Variants in DNAH8 observed in about 807,000 individuals in gnomAD.
The protein encoded by DNAH8 is dynein axonemal heavy chain 8.
In DNAH8, 382 loss-of-function variants were observed where a neutral mutation model predicts 562.1. That is an observed-to-expected ratio of 0.68 (90% CI 0.63 to 0.74). The LOEUF is 0.74. Among genes scored for constraint, DNAH8 ranks in the 30% least tolerant of loss-of-function variants. DNAH8 has a pLI of 0.00. For synonymous variants in DNAH8, 1,881 were observed against 1,919.4 expected, an observed-to-expected ratio of 0.98 and a Z score of 0.52; for missense variants, 5,203 against 5,620.4, an observed-to-expected ratio of 0.93 and a Z score of 2.37.
In DNAH8 at chr6:38,805,370, T is replaced by C. The variant is rs12665115; in HGVS notation, c.3035-111T>C. The stretch of plus-strand genomic sequence containing the variant: ...AAAAGCATTTTTCAAAAAACAGTTT[T>C]AAAAGTAAGAGCTTTTTAAAAAGGA... On this transcript the variant is annotated intron_variant, in intron 22 of 92. Transcript: ENST00000327475. 0.14 allele frequency: 91,965 copies of C among 675,476 alleles called. 7,806 individuals carry two copies. Among genetic ancestry groups the C allele is most frequent in the East Asian group, 0.35 (12,265 of 34,712 alleles). The allele number at this position is 675,476 out of a possible 1,614,324, so 41.8% of individuals were successfully genotyped here. A position where few individuals can be genotyped will look rare whatever the true frequency, so the allele number is the denominator to read the frequency against.
chr6:38,738,050 C>T, intron 7 of DNAH8, 78 bp downstream of exon 7: 1 of 1,447,506 alleles, frequency 6.9e-7, no homozygotes. Context: ...TCTCTAACAG[C>T]AAAGGGAAGA....
At chr6:38,828,821 CATT>C (rs915349135) in intron 30 of DNAH8, among the ~76,000 whole-genome samples, 19 of 152,196 alleles carry the variant, frequency 1.2e-4, no homozygotes, top group African/African-American at 4.8e-5. Context: ...TAACCACCAT[CATT>C]GTCTAATTTT....
At chr6:38,798,776 G>A (rs1235889056) in intron 21 of DNAH8, among the ~76,000 whole-genome samples, 2 of 152,144 alleles carry the variant, frequency 1.3e-5, no homozygotes, top group East Asian at 3.9e-4. Flanking sequence ...TGAGGCACAG[G>A]GATTGTGTAT....
At chr6:38,828,605 A>G (rs1461496431) in intron 30 of DNAH8, among the ~76,000 whole-genome samples, 1 of 152,220 alleles carries the variant, frequency 6.6e-6, no homozygotes, top group African/African-American at 2.4e-5. Context: ...ACAGTAGGCT[A>G]TCCCTCTAGG....
Position 38,894,843 on chromosome 6 carries a change from G to A in DNAH8, c.8726G>A (p.Cys2909Tyr). Residue 2909 changes from cysteine to tyrosine, a missense_variant, in exon 59 of 93, where the codon TGC becomes TAC. Cys to Tyr is a radical substitution (Grantham distance 194). Transcript: ENST00000327475. ...PTLLSLFKHE[C>Y]SRVIADRFIT... ...CTCCTGTCCCTTTTCAAACACGAGT[G>A]CAGCAGAGTAATTGCAGACAGGTGC... is the stretch of plus-strand genomic sequence containing the variant. The A allele has an allele frequency of 6.2e-7, 1 of 1,613,798 alleles. No homozygotes were observed. The highest frequency in any genetic ancestry group is 8.5e-7 in the Non-Finnish European group (1 of 1,179,894).
intron 73 of DNAH8, chr6:38,924,953 A>G (rs946732304): frequency 1.3e-5 from 2 of 152,218 alleles, no homozygotes; most frequent in Non-Finnish European, 2.9e-5. Context: ...AATTTCCGGT[A>G]TATCTTGCAG....
chr6:38,733,204 C>T (rs1027968397), intron 4 of DNAH8, among the ~76,000 whole-genome samples: 4 of 145,702 alleles, frequency 2.7e-5, no homozygotes, highest in African/African-American at 9.9e-5. Context: ...TTTTCTATTT[C>T]TTTTATTACA....
rs3734611 is a variant in DNAH8, at chr6:38,929,254, T to C, written c.11119-257T>C. 0.035 allele frequency: 9,872 copies of C among 282,576 alleles called. 318 individuals carry two copies. The highest frequency in any genetic ancestry group is 0.14 in the East Asian group (2,233 of 16,384). The allele number at this position is 282,576 out of a possible 1,614,324, so 17.5% of individuals were successfully genotyped here. ...ATCTGTCAGGAGCAGAACTCTGACA[T>C]TGCATCTGAGCAATGCCCCTTAACC... On this transcript the variant is annotated intron_variant, in intron 74 of 92. Transcript: ENST00000327475.
rs772095746 is a variant in DNAH8, at chr6:38,737,872, A to G, written c.1016A>G (p.Lys339Arg). The change falls in exon 7 of 93, where the codon AAA (lysine) becomes AGA (arginine). Residue 339 changes from lysine to arginine, a missense_variant. Physicochemically the swap from Lys to Arg is conservative, Grantham distance 26. This residue lies in a region of DNAH8 where 556 missense variants were observed against 496.9 expected (regional missense o/e 1.12). Transcript: ENST00000327475. ...ACAATAGACAATGTTAATTTTTCCAAACTGCACACCTTTGAAGAAGTAACT... is the reference window on the plus strand; with the variant it reads ...ACAATAGACAATGTTAATTTTTCCAGACTGCACACCTTTGAAGAAGTAACT... ...LKTIDNVNFSKLHTFEEVTAA... is the reference protein window; with the variant it reads ...LKTIDNVNFSRLHTFEEVTAA... 14 of 1,590,334 alleles carry G rather than the reference A, an allele frequency of 8.8e-6. No homozygotes were observed. The highest frequency in any genetic ancestry group is 1.4e-5 in the African/African-American group (1 of 73,036).
intron 25 of DNAH8, among the ~76,000 whole-genome samples, chr6:38,814,456 C>T (rs1011917040): frequency 1.8e-4 from 27 of 152,128 alleles, no homozygotes; most frequent in African/African-American, 6.3e-4. Flanking sequence ...TGGTAGGTGC[C>T]TGTAGTCCCA....
chr6:38,904,415 C>T (rs1307372428), intron 62 of DNAH8, among the ~76,000 whole-genome samples: 3 of 151,908 alleles, frequency 2.0e-5, no homozygotes, highest in African/African-American at 7.3e-5. Flanking sequence ...AGGGGGCTTG[C>T]GATGGAGAGT....
rs775020099 is a variant in DNAH8, at chr6:39,012,370, G to A, written c.13524+3G>A. The A allele has an allele frequency of 6.2e-7, 1 of 1,611,030 alleles. No individual in the cohort carries two copies. Among genetic ancestry groups the A allele is most frequent in the South Asian group, 1.1e-5 (1 of 90,838 alleles). ...AAGGAACAATCATTATGAGTGAGGTGAGCTGTTATTACATCAGTAGGCATT... is the reference window on the plus strand; with the variant it reads ...AAGGAACAATCATTATGAGTGAGGTAAGCTGTTATTACATCAGTAGGCATT... On this transcript the variant is annotated splice_donor_region_variant and intron_variant, in intron 90 of 92. Transcript: ENST00000327475.
intron 53 of DNAH8, among the ~76,000 whole-genome samples, chr6:38,882,063 A>T (rs1368096363): frequency 6.6e-6 from 1 of 152,182 alleles, no homozygotes; most frequent in Non-Finnish European, 1.5e-5. Flanking sequence ...AAAATAACAG[A>T]TGCTGGAGAG....
At chr6:38,899,525 T>A (rs1779925514) in intron 61 of DNAH8, among the ~76,000 whole-genome samples, 1 of 152,230 alleles carries the variant, frequency 6.6e-6, no homozygotes, top group Non-Finnish European at 1.5e-5. Context: ...CACAGAATAG[T>A]TTTAAAATAG....
At chr6:38,931,096 G>C (rs966648473) in intron 75 of DNAH8, among the ~76,000 whole-genome samples, 10 of 152,112 alleles carry the variant, frequency 6.6e-5, no homozygotes, top group African/African-American at 2.4e-4. Context: ...AAAGATCCTA[G>C]ATTTTTATCT....
At chr6:38,803,060 T>G (rs1770920629) in intron 21 of DNAH8, 119 bp from the exon 22 acceptor site, 2 of 709,794 alleles carry the variant, frequency 2.8e-6, no homozygotes, top group East Asian at 6.1e-5. Flanking sequence ...TTCAGCTATC[T>G]CTAGCTTTTT....
chr6:38,786,851 G>A lies in DNAH8; in HGVS notation c.2482G>A (p.Glu828Lys), dbSNP rs1256933123. 3.1e-6 allele frequency: 5 copies of A among 1,613,326 alleles called. No homozygotes were observed. The highest frequency in any genetic ancestry group is 1.7e-4 in the Middle Eastern group (1 of 6,056). Residue 828 changes from glutamate to lysine, a missense_variant, in exon 18 of 93, where the codon GAA becomes AAA. Transcript: ENST00000327475. ...FDPKILEVVR[E>K]TKCMIKMKLD... is the part of the protein sequence containing the mutation. ...TCCCAAAATTTTGGAAGTTGTTCGG[G>A]AAACTAAGTGTATGATAAAAATGAA...
intron 10 of DNAH8, among the ~76,000 whole-genome samples, chr6:38,761,053 C>T (rs1046293224): frequency 6.8e-5 from 10 of 147,450 alleles, no homozygotes; most frequent in Admixed American, 1.4e-4. Flanking sequence ...CTGGCTCACT[C>T]ATTTGCTCTT....
intron 88 of DNAH8, among the ~76,000 whole-genome samples, chr6:38,999,706 A>T (rs569489465): frequency 1.3e-5 from 2 of 152,036 alleles, no homozygotes; most frequent in East Asian, 3.9e-4. Context: ...GAGAGGGGGA[A>T]TCCTGTGAAA....
Sources: allele counts gnomAD v4.1 joint callset (sites outside exome capture counted in the v4.1 genomes callset), GRCh38; gene constraint gnomAD v4.1.1; regional missense constraint gnomAD v4.1.1; transcripts MANE v1.5; gene names NCBI Gene and HGNC (gene_info 2026-07-23, HGNC 2026-07-21).